The following OSBP2 variants were observed in gnomAD, a reference collection of about 807,000 sequenced individuals.
OSBP2 encodes oxysterol binding protein 2.
A neutral mutation model predicts 96.0 loss-of-function variants in OSBP2; 66 were observed. The observed-to-expected ratio is 0.69, with a 90% confidence interval of 0.56 to 0.84. OSBP2 has a LOEUF of 0.84. Ranked by LOEUF, OSBP2 falls within the 40% of genes least tolerant of loss-of-function variation. The probability of loss-of-function intolerance (pLI) is 0.00; values close to 1 mark genes in which losing one functional copy is unlikely to be tolerated. For missense variants in OSBP2, 1,038 were observed against 1,222.7 expected, an observed-to-expected ratio of 0.85 and a Z score of 2.25; for synonymous variants, 525 against 520.9, an observed-to-expected ratio of 1.01 and a Z score of -0.11.
chr22:30,693,890 G>A, upstream of OSBP2: 1 of 597,644 alleles, frequency 1.7e-6, no homozygotes, highest in Non-Finnish European at 2.9e-6. Context: ...GCTTGAACCT[G>A]GGAAGCGGAG....
intron 2 of OSBP2, among the ~76,000 whole-genome samples, chr22:30,810,912 G>A (rs1281114489): frequency 2.0e-5 from 3 of 152,066 alleles, no homozygotes; most frequent in African/African-American, 7.2e-5. Context: ...GGCATCACAG[G>A]TTTCAGCGTG....
chr22:30,708,478 A>ATTTTTT (rs56361178), intron 1 of OSBP2, among the ~76,000 whole-genome samples: 1,662 of 63,478 alleles, frequency 0.026, 366 homozygotes, highest in Middle Eastern at 0.071. Flanking sequence ...AAGGATAAGG[A>ATTTTTT]TTTTTTTTTT....
chr22:30,858,307 C>T lies in OSBP2; in HGVS notation c.854-12122C>T, dbSNP rs561329321. ...GACTACAGGCGCCCGCCACCGCGCCCGGCTAATTTTTTGTATTTTTAGTAG... is the reference window on the plus strand; with the variant it reads ...GACTACAGGCGCCCGCCACCGCGCCTGGCTAATTTTTTGTATTTTTAGTAG... On this transcript the variant is annotated intron_variant, in intron 2 of 13. Transcript: ENST00000332585. Among the ~76,000 whole-genome samples, 173 of 150,820 alleles carry T rather than the reference C, an allele frequency of 1.1e-3. 2 individuals are homozygous for T. Among genetic ancestry groups the T allele is most frequent in the Admixed American group, 2.5e-3 (38 of 15,162 alleles).
intron 12 of OSBP2, among the ~76,000 whole-genome samples, chr22:30,895,188 G>C (rs2040036594): frequency 6.6e-6 from 1 of 152,112 alleles, no homozygotes; most frequent in Non-Finnish European, 1.5e-5. Context: ...CTGAGTGTAT[G>C]AAGTATGTTT....
At chr22:30,717,056 C>T (rs2089468338) in intron 1 of OSBP2, among the ~76,000 whole-genome samples, 1 of 145,376 alleles carries the variant, frequency 6.9e-6, no homozygotes, top group Non-Finnish European at 1.5e-5. Context: ...TACATTTAGG[C>T]ATTTAAATCT....
chr22:30,823,534 A>T (rs999150413), intron 2 of OSBP2, among the ~76,000 whole-genome samples: 1 of 152,224 alleles, frequency 6.6e-6, no homozygotes, highest in African/African-American at 2.4e-5. Flanking sequence ...AGAAATCAGC[A>T]CTCTCTGATC....
chr22:30,889,988 C>T (rs2039909006), intron 7 of OSBP2, among the ~76,000 whole-genome samples: 1 of 152,066 alleles, frequency 6.6e-6, no homozygotes, highest in Non-Finnish European at 1.5e-5. Flanking sequence ...GAGGGGTGGG[C>T]CCTCCTTCAG....
At chr22:30,764,774 T>G (rs1452315047) in intron 2 of OSBP2, among the ~76,000 whole-genome samples, 2 of 152,172 alleles carry the variant, frequency 1.3e-5, no homozygotes, top group Non-Finnish European at 2.9e-5. Flanking sequence ...CTATTGACCC[T>G]CAGACCCCTC....
intron 2 of OSBP2, among the ~76,000 whole-genome samples, chr22:30,790,703 T>G (rs1602268091): frequency 6.6e-6 from 1 of 152,066 alleles, no homozygotes; most frequent in Admixed American, 6.6e-5. Context: ...AAAGGAAATT[T>G]TTTTGATATG....
upstream of OSBP2, chr22:30,694,403 G>T (rs574519471): frequency 5.5e-4 from 801 of 1,462,016 alleles, 1 homozygote; most frequent in Non-Finnish European, 6.9e-4. Context: ...CCTGTGCTTC[G>T]TGCGCATTTC....
chr22:30,906,474 T>C lies in OSBP2; in HGVS notation c.*135T>C, dbSNP rs2040340389. On this transcript the variant is annotated 3_prime_UTR_variant, in exon 14 of 14. Transcript: ENST00000332585. The stretch of plus-strand genomic sequence containing the variant: ...CCTATTTCCTTTCCTATTTTTTTTT[T>C]CTCCCCACACTTTCTTGGGACTCCC... The C allele has an allele frequency of 8.9e-6, 10 of 1,118,786 alleles. No homozygotes were observed. In the East Asian group the frequency reaches 1.2e-4, roughly 13 times the overall value. The allele number at this position is 1,118,786 out of a possible 1,614,324, so 69.3% of individuals were successfully genotyped here.
chr22:30,873,814 C>T (rs1331594827), intron 3 of OSBP2, among the ~76,000 whole-genome samples: 1 of 152,228 alleles, frequency 6.6e-6, no homozygotes, highest in African/African-American at 2.4e-5. Flanking sequence ...CCAGACAAAG[C>T]CCACATGGAG....
chr22:30,860,452 A>G (rs2039187449), intron 2 of OSBP2, among the ~76,000 whole-genome samples: 1 of 152,218 alleles, frequency 6.6e-6, no homozygotes, highest in African/African-American at 2.4e-5. Context: ...AGCCCCTTCC[A>G]TGCTGTCAAA....
At chr22:30,849,892 T>A (rs1055904877) in intron 2 of OSBP2, among the ~76,000 whole-genome samples, 1 of 152,192 alleles carries the variant, frequency 6.6e-6, no homozygotes, top group Non-Finnish European at 1.5e-5. Flanking sequence ...TTTTTGTGTA[T>A]GGGGTGACAT....
chr22:30,694,074 T>A, upstream of OSBP2: 1 of 1,138,096 alleles, frequency 8.8e-7, no homozygotes, highest in Non-Finnish European at 1.2e-6. Flanking sequence ...CACAGACAGG[T>A]AAACCTCTGC....
At chr22:30,810,747 T>C (rs1008423202) in intron 2 of OSBP2, among the ~76,000 whole-genome samples, 3 of 152,212 alleles carry the variant, frequency 2.0e-5, no homozygotes, top group Non-Finnish European at 4.4e-5. Context: ...CGCCAAATGA[T>C]CCAGCCCCTC....
intron 2 of OSBP2, among the ~76,000 whole-genome samples, chr22:30,861,140 C>T (rs192217037): frequency 9.2e-5 from 14 of 152,238 alleles, no homozygotes; most frequent in African/African-American, 2.4e-4. Context: ...CTAGCCGGCC[C>T]GGGGGTATTG....
At chr22:30,813,418 C>T (rs967573500) in intron 2 of OSBP2, among the ~76,000 whole-genome samples, 1 of 152,064 alleles carries the variant, frequency 6.6e-6, no homozygotes, top group African/African-American at 2.4e-5. Flanking sequence ...AAGTGATCCA[C>T]CTGCCTCTGC....
At chr22:30,699,020 C>T (rs1435211932) in intron 1 of OSBP2, among the ~76,000 whole-genome samples, 2 of 152,062 alleles carry the variant, frequency 1.3e-5, no homozygotes, top group African/African-American at 4.8e-5. Flanking sequence ...TGGCTTACTA[C>T]ACCCTCCCAC....
Sources: gnomAD v4.1 joint callset for allele counts (sites outside exome capture counted in the v4.1 genomes callset) on GRCh38, gnomAD v4.1.1 for gene constraint, MANE v1.5 for transcripts, NCBI Gene and HGNC (gene_info 2026-07-23, HGNC 2026-07-21) for gene names.